Variants in LAMTOR1 observed in about 807,000 individuals in gnomAD.
LAMTOR1 encodes ragulator complex protein LAMTOR1.
LAMTOR1 carries 8 observed loss-of-function variants against 20.5 expected under a neutral mutation model. That is an observed-to-expected ratio of 0.39 (90% CI 0.23 to 0.70). The LOEUF (loss-of-function observed/expected upper bound fraction) is 0.70. Ranked by LOEUF, LAMTOR1 falls within the 30% of genes least tolerant of loss-of-function variation. The pLI is 0.43. For synonymous variants in LAMTOR1, 77 were observed against 80.9 expected, an observed-to-expected ratio of 0.95 and a Z score of 0.26; for missense variants, 135 against 206.2, an observed-to-expected ratio of 0.65 and a Z score of 2.11.
Position 72,097,487 on chromosome 11 carries a change from C to A in LAMTOR1, c.*335G>T. 1 of 1,087,604 alleles carries A rather than the reference C, an allele frequency of 9.2e-7. No homozygotes were observed. Among genetic ancestry groups the A allele is most frequent in the Non-Finnish European group, 1.1e-6 (1 of 891,200 alleles). The allele number at this position is 1,087,604 out of a possible 1,614,324, so 67.4% of individuals were successfully genotyped here. On this transcript the variant is annotated 3_prime_UTR_variant, in exon 5 of 5. Coordinates refer to ENST00000278671, the MANE Select transcript of LAMTOR1 (RefSeq NM_017907.3). ...GGGGCAGGAGTGACTCTGAGGCCAA[C>A]AGAGAGGGTGGGAAGGGGATCTCCC... is the stretch of plus-strand genomic sequence containing the variant.
intron 2 of LAMTOR1, 88 bp from the exon 3 acceptor site, chr11:72,098,946 T>C (rs908741925): frequency 1.3e-5 from 18 of 1,359,036 alleles, no homozygotes; most frequent in Admixed American, 1.1e-4. Flanking sequence ...TCCAGGGCTA[T>C]CTGACACCAG....
At position 72,097,296 on chromosome 11, in the gene LAMTOR1, T is replaced by A; in HGVS notation, c.*526A>T. 2.0e-6 allele frequency: 2 copies of A among 994,746 alleles called. No homozygotes were observed. The highest frequency in any genetic ancestry group is 3.5e-5 in the African/African-American group (2 of 57,466). The allele number at this position is 994,746 out of a possible 1,614,324, so 61.6% of individuals were successfully genotyped here. The stretch of plus-strand genomic sequence containing the variant: ...AGAGGGGCCAGAACCAGCACATGGA[T>A]GAATATACTTCCTTTATCGAGGGTG... On this transcript the variant is annotated 3_prime_UTR_variant, in exon 5 of 5. Transcript: ENST00000278671.
At chr11:72,097,963 G>A (rs1945288463) in intron 4 of LAMTOR1, 49 bp from the exon 5 acceptor site, 3 of 1,532,556 alleles carry the variant, frequency 2.0e-6, no homozygotes, top group Non-Finnish European at 1.8e-6. Context: ...CAGGTGAGGA[G>A]GGCAATCAGG....
At chr11:72,098,108 AAGGAG>A in intron 4 of LAMTOR1, 176 bp downstream of exon 4, 4 of 1,007,258 alleles carry the variant, frequency 4.0e-6, no homozygotes, top group Non-Finnish European at 5.8e-6. Flanking sequence ...AGGTTGCAGG[AAGGAG>A]ATAGGAAAGA....
rs912260299 is a variant in LAMTOR1 at position 72,099,403 on chromosome 11, A to G, written c.43-147T>C. On this transcript the variant is annotated intron_variant, in intron 1 of 4. Coordinates refer to ENST00000278671, the MANE Select transcript of LAMTOR1 (RefSeq NM_017907.3). ...AGTGCCCAGCTTTATGGAATGCCAG[A>G]TAAGACTCAGTTCCTGCCTATCCTT... The G allele has an allele frequency of 4.6e-6, 4 of 861,496 alleles. 1 individual carries two copies. The highest frequency in any genetic ancestry group is 1.7e-6 in the Non-Finnish European group (1 of 590,932). 53.4% of individuals were successfully genotyped at this position (861,496 alleles called of 1,614,324 possible).
chr11:72,100,001 A>G lies in LAMTOR1; in HGVS notation c.43-745T>C, dbSNP rs148711952. Among the ~76,000 whole-genome samples, 447 of 152,188 alleles carry G rather than the reference A, an allele frequency of 2.9e-3. 3 individuals carry two copies. Among genetic ancestry groups the G allele is most frequent in the Non-Finnish European group, 4.5e-3 (303 of 68,004 alleles). ...GCTGTAGCCATGTATGGTGATTCAC[A>G]CCAGTAATCCCAACACTTTGGGAGC... On this transcript the variant is annotated intron_variant, in intron 1 of 4. Coordinates refer to ENST00000278671, the MANE Select transcript of LAMTOR1 (RefSeq NM_017907.3).
rs573995792 is a variant in LAMTOR1, at chr11:72,101,240, C to G, written c.42+1943G>C. Among the ~76,000 whole-genome samples, 15 of 151,748 alleles carry G rather than the reference C, an allele frequency of 9.9e-5. No individual in the cohort carries two copies. In the South Asian group the frequency reaches 2.7e-3, roughly 27 times the overall value. ...CCTACTTCAGAGCAGACAAACATCA[C>G]CCCACTCCCAAAGTGCGAGTGGAGC... On this transcript the variant is annotated intron_variant, in intron 1 of 4. Coordinates refer to ENST00000278671, the MANE Select transcript of LAMTOR1 (RefSeq NM_017907.3).
In LAMTOR1 at chr11:72,102,909, C is replaced by CT. The variant is rs576509302; in HGVS notation, c.42+273dup. 4.9e-4 allele frequency among the ~76,000 whole-genome samples: 75 copies of CT among 152,362 alleles called. 2 individuals are homozygous for CT. The East Asian group carries it at 0.013, about 26-fold the overall frequency. On this transcript the variant is annotated intron_variant, in intron 1 of 4. Coordinates refer to ENST00000278671, the MANE Select transcript of LAMTOR1 (RefSeq NM_017907.3). ...GGACCTAGACTGAGGATCCTTGAATCTGAAAAGTTTTGAAGGTAGGAGCAA... is the reference window on the plus strand; with the variant it reads ...GGACCTAGACTGAGGATCCTTGAATCTTGAAAAGTTTTGAAGGTAGGAGCAA...
chr11:72,098,681 A>G, intron 3 of LAMTOR1, 100 bp downstream of exon 3: 1 of 935,784 alleles, frequency 1.1e-6, no homozygotes, highest in Non-Finnish European at 1.6e-6. Context: ...GGCTGCACCA[A>G]ATGAGAAGCT....
In LAMTOR1 at chr11:72,097,921, CAG is replaced by C. The variant is rs1565324484; in HGVS notation, c.394-9_394-8del. 3.8e-6 allele frequency: 6 copies of C among 1,584,974 alleles called. No homozygotes were observed. Among genetic ancestry groups the C allele is most frequent in the South Asian group, 3.4e-5 (3 of 88,832 alleles). The stretch of plus-strand genomic sequence containing the variant: ...AAGCAGCTATCCTGGAGACCTGAGA[CAG>C]AGAGGGGCCGGGGAGGAGAGGAACA... On this transcript the variant is annotated splice_polypyrimidine_tract_variant and splice_region_variant and intron_variant, in intron 4 of 4. Coordinates refer to ENST00000278671, the MANE Select transcript of LAMTOR1 (RefSeq NM_017907.3).
Position 72,098,422 on chromosome 11 carries a change from A to G in LAMTOR1, c.267-7T>C. On this transcript the variant is annotated splice_polypyrimidine_tract_variant and splice_region_variant and intron_variant, in intron 3 of 4. Transcript: ENST00000278671. ...CAGCACAGCCAAGCGGGTGCTGACC[A>G]AGAGAGAGGGGGTGGGGGTAGGCAG... 6.2e-7 allele frequency: 1 copy of G among 1,606,958 alleles called. No homozygotes were observed. Among genetic ancestry groups the G allele is most frequent in the Non-Finnish European group, 8.5e-7 (1 of 1,177,316 alleles).
rs1945334932 is a variant in LAMTOR1, at chr11:72,098,875, CAG to C, written c.189-19_189-18del. ...ATGATGTTGCTATGGGGAGAGGAGA[CAG>C]AGATGACATGACAGGTGCTTCCGAG... On this transcript the variant is annotated intron_variant, in intron 2 of 4. Transcript: ENST00000278671. 6.5e-7 allele frequency: 1 copy of C among 1,536,880 alleles called. No individual in the cohort carries two copies. Among genetic ancestry groups the C allele is most frequent in the East Asian group, 2.4e-5 (1 of 40,856 alleles).
At chr11:72,099,027 C>G in intron 2 of LAMTOR1, 84 bp downstream of exon 2, 1 of 1,556,950 alleles carries the variant, frequency 6.4e-7, no homozygotes, top group East Asian at 2.3e-5. Context: ...TCCCATCCCC[C>G]ATGTCCTGAG....
In LAMTOR1 at chr11:72,099,360, T is replaced by A. The variant is rs79985230; in HGVS notation, c.43-104A>T. 4,033 of 1,296,800 alleles carry A rather than the reference T, an allele frequency of 3.1e-3. 113 individuals are homozygous for A. The African/African-American group carries it at 0.055, about 18-fold the overall frequency. The allele number at this position is 1,296,800 out of a possible 1,614,324, so 80.3% of individuals were successfully genotyped here. On this transcript the variant is annotated intron_variant, in intron 1 of 4. Transcript: ENST00000278671. ...TCTGACCTTAAACACCAAAAATGTT[T>A]CTATAAGGAATATCTAAAGTGCCCA...
At chr11:72,102,804 T>C (rs903886667) in intron 1 of LAMTOR1, among the ~76,000 whole-genome samples, 1 of 152,184 alleles carries the variant, frequency 6.6e-6, no homozygotes, top group African/African-American at 2.4e-5. Flanking sequence ...GGGCCTCAGC[T>C]TACCCACCCC....
chr11:72,103,041 C>A (rs1456966054), intron 1 of LAMTOR1, 142 bp downstream of exon 1: 2 of 1,136,688 alleles, frequency 1.8e-6, no homozygotes, highest in East Asian at 2.7e-5. Context: ...GGCTTGGCGT[C>A]TCCTCTGTAA....
intron 1 of LAMTOR1, among the ~76,000 whole-genome samples, chr11:72,101,273 A>C (rs1591179493): frequency 8.3e-6 from 1 of 120,034 alleles, no homozygotes; most frequent in African/African-American, 3.6e-5. Context: ...AGCATGGGTT[A>C]GGTTTGTCAC....
chr11:72,099,041 G>A, intron 2 of LAMTOR1, 70 bp downstream of exon 2: 1 of 1,581,170 alleles, frequency 6.3e-7, no homozygotes, highest in Non-Finnish European at 8.6e-7. Context: ...TCCTGAGCCT[G>A]GCTCCTTCTA....
chr11:72,099,192 G>A lies in LAMTOR1; in HGVS notation c.107C>T (p.Ala36Val). Residue 36 changes from alanine (A) to valine (V), a missense_variant, in exon 2 of 5, where the codon GCC becomes GTC. Physicochemically the swap from Ala to Val is moderately conservative, Grantham distance 64. Coordinates refer to ENST00000278671, the MANE Select transcript of LAMTOR1 (RefSeq NM_017907.3). ...AGGCAGGCTGTGGTAGTTGGGCTCG[G>A]CTCCATTGAGAGCTTTGGTAGGGGG... ...SSPPTKALNG[A>V]EPNYHSLPSA... is the part of the protein sequence containing the mutation. The A allele has an allele frequency of 1.2e-6, 2 of 1,612,282 alleles. No individual in the cohort carries two copies. The highest frequency in any genetic ancestry group is 1.3e-5 in the African/African-American group (1 of 74,980).
Sources: allele counts gnomAD v4.1 joint callset (sites outside exome capture counted in the v4.1 genomes callset), GRCh38; gene constraint gnomAD v4.1.1; transcripts MANE v1.5; gene names NCBI Gene and HGNC (gene_info 2026-07-23, HGNC 2026-07-21).